Variants in GRM3 observed in about 807,000 individuals in gnomAD.
The protein encoded by GRM3 is metabotropic glutamate receptor 3.
GRM3 carries 26 observed loss-of-function variants against 70.5 expected under a neutral mutation model. The ratio of observed to expected loss-of-function variants is 0.37; its 90% CI spans 0.27 to 0.51. The LOEUF (loss-of-function observed/expected upper bound fraction) is 0.51. Among genes scored for constraint, GRM3 ranks in the 20% least tolerant of loss-of-function variants. The pLI is 0.93. For missense variants in GRM3, 859 were observed against 1,123.8 expected, an observed-to-expected ratio of 0.76 and a Z score of 3.37; for synonymous variants, 443 against 434.9, an observed-to-expected ratio of 1.02 and a Z score of -0.23.
At chr7:86,799,933 G>C (rs1007331413) in intron 3 of GRM3, among the ~76,000 whole-genome samples, 1 of 152,158 alleles carries the variant, frequency 6.6e-6, no homozygotes. Context: ...TCTTCAGTAT[G>C]CTTACTGATT....
intron 1 of GRM3, among the ~76,000 whole-genome samples, chr7:86,691,455 A>C (rs1378551249): frequency 2.6e-5 from 4 of 152,202 alleles, no homozygotes; most frequent in Admixed American, 2.6e-4. Flanking sequence ...TCAATGAGAG[A>C]ACCACAAGGA....
At chr7:86,725,122 A>G (rs923835806) in intron 1 of GRM3, among the ~76,000 whole-genome samples, 3 of 152,112 alleles carry the variant, frequency 2.0e-5, no homozygotes, top group Admixed American at 6.6e-5. Context: ...CTTTAATTTC[A>G]TGGCTATAAC....
chr7:86,710,284 T>C (rs1173348377), intron 1 of GRM3: 1 of 151,588 alleles, frequency 6.6e-6, no homozygotes, highest in Non-Finnish European at 1.5e-5. Context: ...AAAATGCCTA[T>C]TTTTTTTCAT....
At chr7:86,768,485 T>C (rs1253540741) in intron 2 of GRM3, among the ~76,000 whole-genome samples, 1 of 152,198 alleles carries the variant, frequency 6.6e-6, no homozygotes, top group Middle Eastern at 3.2e-3. Context: ...AATCTGGTTA[T>C]GGGTACAATG....
chr7:86,766,186 A>G (rs1438792394), intron 2 of GRM3, among the ~76,000 whole-genome samples: 1 of 152,158 alleles, frequency 6.6e-6, no homozygotes, highest in African/African-American at 2.4e-5. Context: ...TATGCAACAG[A>G]CTATCAAGGT....
intron 1 of GRM3, among the ~76,000 whole-genome samples, chr7:86,760,892 C>T (rs929402218): frequency 2.6e-5 from 4 of 152,068 alleles, no homozygotes; most frequent in Admixed American, 6.6e-5. Context: ...ACATTGTCAT[C>T]CCCCAACTTA....
At chr7:86,716,611 A>G (rs1284280467) in intron 1 of GRM3, among the ~76,000 whole-genome samples, 1 of 151,738 alleles carries the variant, frequency 6.6e-6, no homozygotes, top group Non-Finnish European at 1.5e-5. Flanking sequence ...ATCTGCACAC[A>G]TGAGTCAAAC....
chr7:86,696,047 A>G (rs1269659082), intron 1 of GRM3, among the ~76,000 whole-genome samples: 1 of 152,174 alleles, frequency 6.6e-6, no homozygotes, highest in African/African-American at 2.4e-5. Context: ...TTCTTTCTGT[A>G]AACACTTGCT....
intron 1 of GRM3, among the ~76,000 whole-genome samples, chr7:86,678,626 A>T (rs1479281614): frequency 6.6e-6 from 1 of 152,088 alleles, no homozygotes; most frequent in East Asian, 1.9e-4. Flanking sequence ...TTCAAACATG[A>T]TATCTGAGAA....
intron 4 of GRM3, among the ~76,000 whole-genome samples, chr7:86,848,789 A>G (rs1798704651): frequency 6.6e-6 from 1 of 152,164 alleles, no homozygotes; most frequent in Non-Finnish European, 1.5e-5. Context: ...TGCAATGCCA[A>G]TAGAGCAACT....
At chr7:86,746,024 A>G (rs1343476040) in intron 1 of GRM3, among the ~76,000 whole-genome samples, 3 of 152,010 alleles carry the variant, frequency 2.0e-5, no homozygotes, top group African/African-American at 7.2e-5. Flanking sequence ...TAGGTTCTTG[A>G]TAAGTATTTT....
rs149232345 is a variant in GRM3, at chr7:86,716,876, A to T, written c.-140-48130A>T. ...CTCAGCACTGTTAAAGGGATCAATG[A>T]CTATTTCAGATTTATAGATTAAAGA... On this transcript the variant is annotated intron_variant, in intron 1 of 5. Coordinates refer to ENST00000361669, the MANE Select transcript of GRM3 (RefSeq NM_000840.3). Among the ~76,000 whole-genome samples the T allele has an allele frequency of 3.5e-4, 53 of 151,972 alleles. No individual in the cohort carries two copies. The East Asian group carries it at 0.01, about 29-fold the overall frequency.
chr7:86,794,359 C>T (rs1336883910), intron 3 of GRM3, among the ~76,000 whole-genome samples: 1 of 152,172 alleles, frequency 6.6e-6, no homozygotes, highest in Non-Finnish European at 1.5e-5. Flanking sequence ...GGATAGCAAT[C>T]ACATACTGAA....
chr7:86,863,047 A>T (rs80058107), intron 5 of GRM3, among the ~76,000 whole-genome samples: 3,995 of 152,246 alleles, frequency 0.026, 168 homozygotes, highest in African/African-American at 0.086. Context: ...CAGAGTATAT[A>T]CAAATAGACA....
chr7:86,815,930 C>G (rs1210687818), intron 3 of GRM3, among the ~76,000 whole-genome samples: 4 of 151,846 alleles, frequency 2.6e-5, no homozygotes, highest in Non-Finnish European at 4.4e-5. Context: ...CAGACTGGGG[C>G]AGTGAGGAGT....
chr7:86,758,963 G>T (rs928976673), intron 1 of GRM3, among the ~76,000 whole-genome samples: 1 of 152,052 alleles, frequency 6.6e-6, no homozygotes, highest in Non-Finnish European at 1.5e-5. Flanking sequence ...GTTTATATAA[G>T]AGGGTCTTAT....
chr7:86,673,703 T>C (rs1794230698), intron 1 of GRM3, among the ~76,000 whole-genome samples: 1 of 152,084 alleles, frequency 6.6e-6, no homozygotes, highest in Non-Finnish European at 1.5e-5. Context: ...CACCTGGACA[T>C]CTCAGACAAT....
intron 2 of GRM3, among the ~76,000 whole-genome samples, chr7:86,783,467 A>G (rs922590174): frequency 1.3e-5 from 2 of 152,178 alleles, no homozygotes; most frequent in African/African-American, 4.8e-5. Context: ...AGATAATAAT[A>G]TCCACCATAA....
chr7:86,715,996 A>G (rs1278706332), intron 1 of GRM3, among the ~76,000 whole-genome samples: 6 of 151,998 alleles, frequency 3.9e-5, no homozygotes, highest in Non-Finnish European at 7.4e-5. Context: ...TTAATAAATG[A>G]TAGTAGCAAC....
Sources: allele counts gnomAD v4.1 joint callset (sites outside exome capture counted in the v4.1 genomes callset), GRCh38; gene constraint gnomAD v4.1.1; transcripts MANE v1.5; gene names NCBI Gene and HGNC (gene_info 2026-07-23, HGNC 2026-07-21).